Variants in AHCTF1 observed in about 807,000 individuals in gnomAD.
The protein encoded by AHCTF1 is AT-hook containing transcription factor 1.
In AHCTF1, 24 loss-of-function variants were observed where a neutral mutation model predicts 248.4. The observed-to-expected ratio is 0.10, with a 90% confidence interval of 0.07 to 0.14. The LOEUF (loss-of-function observed/expected upper bound fraction) is 0.14. Among genes scored for constraint, AHCTF1 ranks in the 10% least tolerant of loss-of-function variants. AHCTF1 has a pLI of 1.00. For synonymous variants in AHCTF1, 786 were observed against 929.8 expected (o/e 0.85, Z 2.81); for missense variants, 2,206 against 2,636.2 (o/e 0.84, Z 3.57).
In AHCTF1 at chr1:246,850,656, C is replaced by T; in HGVS notation, c.5350G>A (p.Glu1784Lys). The part of the protein sequence containing the change: ...KKTRKAKEIS[E>K]ASENIYSDVR... ...TCAGAATAGATGTTTTCAGAAGCTTCAGAAATTTCTTTTGCCTTCCTAGTT... is the reference window on the plus strand; with the variant it reads ...TCAGAATAGATGTTTTCAGAAGCTTTAGAAATTTCTTTTGCCTTCCTAGTT... Residue 1784 changes from glutamate to lysine, a missense_variant, in exon 33 of 36, where the codon GAA (glutamate) becomes AAA (lysine). Glu to Lys is a moderately conservative substitution (Grantham distance 56). Coordinates refer to ENST00000648844, the MANE Select transcript of AHCTF1 (RefSeq NM_001323342.2). The T allele has an allele frequency of 1.2e-6, 2 of 1,613,916 alleles. No individual in the cohort carries two copies. Among genetic ancestry groups the T allele is most frequent in the Non-Finnish European group, 1.7e-6 (2 of 1,179,854 alleles).
At chr1:246,928,592 TAAAC>T (rs1264732823) in intron 1 of AHCTF1, among the ~76,000 whole-genome samples, 5 of 152,174 alleles carry the variant, frequency 3.3e-5, no homozygotes, top group Non-Finnish European at 7.3e-5. Context: ...GGTTCAGTAT[TAAAC>T]AAAACAAAAT....
rs201962947 is a variant in AHCTF1 at position 246,922,779 on chromosome 1, G to A, written c.-7-4402C>T. Among the ~76,000 whole-genome samples, 97 of 150,766 alleles carry A rather than the reference G, an allele frequency of 6.4e-4. No individual in the cohort carries two copies. In the East Asian group the frequency reaches 0.011, roughly 17 times the overall value. The stretch of plus-strand genomic sequence containing the variant: ...GGGCGGATCACGAGGTCAGGAGATC[G>A]AGACCATCCTGGATAACACGGTGAA... On this transcript the variant is annotated intron_variant, in intron 1 of 35. Coordinates refer to ENST00000648844, the MANE Select transcript of AHCTF1 (RefSeq NM_001323342.2).
At chr1:246,845,625 C>T (rs1660203176) in intron 33 of AHCTF1, among the ~76,000 whole-genome samples, 1 of 152,170 alleles carries the variant, frequency 6.6e-6, no homozygotes, top group Non-Finnish European at 1.5e-5. Flanking sequence ...TAAGGAAATA[C>T]AAAAATATAC....
intron 31 of AHCTF1, among the ~76,000 whole-genome samples, chr1:246,855,068 T>G (rs575786129): frequency 6.6e-6 from 1 of 152,356 alleles, no homozygotes; most frequent in African/African-American, 2.4e-5. Flanking sequence ...CCATTCATAA[T>G]GTACCAGGAA....
At chr1:246,892,301 CTTTTTTTTTTTTTTTTTTT>C (rs74163502) in intron 14 of AHCTF1, among the ~76,000 whole-genome samples, 2 of 64,974 alleles carry the variant, frequency 3.1e-5, no homozygotes, top group African/African-American at 6.3e-5. Context: ...ATTTGTTTTA[CTTTTTTTTTTTTTTTTTTT>C]TTTTTTTTTT....
rs797009254 is a variant in AHCTF1, at chr1:246,903,659, C to G, written c.966+290G>C. Among the ~76,000 whole-genome samples the G allele has an allele frequency of 2.9e-4, 34 of 116,680 alleles. 1 individual carries two copies. Among genetic ancestry groups the G allele is most frequent in the South Asian group, 2.7e-4 (1 of 3,762 alleles). 76.5% of individuals were successfully genotyped at this position (116,680 alleles called of 152,430 possible). A position where few individuals can be genotyped will look rare whatever the true frequency, so the allele number is the denominator to read the frequency against. On this transcript the variant is annotated intron_variant, in intron 7 of 35. Coordinates refer to ENST00000648844, the MANE Select transcript of AHCTF1 (RefSeq NM_001323342.2). Reference sequence around the variant, plus strand: ...CCTGGCCAAGATGGTGAGACCCCCCCCCCTCCGTCTCTGCTAAATATACAA... The same window carrying G: ...CCTGGCCAAGATGGTGAGACCCCCCGCCCTCCGTCTCTGCTAAATATACAA...
intron 33 of AHCTF1, among the ~76,000 whole-genome samples, chr1:246,844,533 C>G (rs996570925): frequency 6.6e-6 from 1 of 152,078 alleles, no homozygotes; most frequent in Non-Finnish European, 1.5e-5. Flanking sequence ...CTAGCCTGAT[C>G]AACAAAGTGA....
Position 246,868,807 on chromosome 1 carries a change from C to T in AHCTF1, c.3089-996G>A, listed in dbSNP as rs532932126. ...GTGATGAATGAGTACAGGTCTACCT[C>T]ATTTTATTGTGCTTTGCTTCATTGT... On this transcript the variant is annotated intron_variant, in intron 24 of 35. Transcript: ENST00000648844. Among the ~76,000 whole-genome samples, 5 of 150,760 alleles carry T rather than the reference C, an allele frequency of 3.3e-5. No homozygotes were observed. The South Asian group carries it at 1.0e-3, about 32-fold the overall frequency.
At chr1:246,894,354 C>T (rs1223134614) in intron 14 of AHCTF1, among the ~76,000 whole-genome samples, 1 of 152,116 alleles carries the variant, frequency 6.6e-6, no homozygotes, top group Admixed American at 6.5e-5. Flanking sequence ...GGGCGGATCA[C>T]AACGTCAGGA....
At chr1:246,868,947 C>CCATTCTCCTGCCTCAGCCTG (rs1662284673) in intron 24 of AHCTF1, among the ~76,000 whole-genome samples, 1 of 150,532 alleles carries the variant, frequency 6.6e-6, no homozygotes, top group Non-Finnish European at 1.5e-5. Context: ...CGGGTTCACG[C>CCATTCTCCTGCCTCAGCCTG]CATTCTCCTG....
rs762938117 is a variant in AHCTF1 at position 246,900,147 on chromosome 1, T to C, written c.1350A>G (p.Val450=). ...TSPHGILDIL[V]HERSLNRGVP... ...CTCCTCTATTTAAACTTCTCTCATG[T>C]ACTAATATATCCAAGATGCCATGTG... The change falls in exon 10 of 36, where the codon GTA becomes GTG. Residue 450 remains valine, a synonymous_variant. Transcript: ENST00000648844. 19 of 1,610,292 alleles carry C rather than the reference T, an allele frequency of 1.2e-5. No homozygotes were observed. Among genetic ancestry groups the C allele is most frequent in the African/African-American group, 2.7e-5 (2 of 74,726 alleles).
At chr1:246,887,093 C>T (rs1572417234) in intron 20 of AHCTF1, 118 bp downstream of exon 20, 2 of 1,160,216 alleles carry the variant, frequency 1.7e-6, no homozygotes, top group East Asian at 2.5e-5. Flanking sequence ...AAACTGGGTC[C>T]TTCCTCAACT....
chr1:246,916,978 G>T (rs959272945), intron 2 of AHCTF1, among the ~76,000 whole-genome samples: 1 of 152,202 alleles, frequency 6.6e-6, no homozygotes, highest in Non-Finnish European at 1.5e-5. Context: ...ATGATAGGAA[G>T]TCTCAGAACC....
intron 24 of AHCTF1, among the ~76,000 whole-genome samples, chr1:246,872,072 A>C (rs868859906): frequency 7.5e-5 from 11 of 147,180 alleles, no homozygotes; most frequent in African/African-American, 2.5e-4. Context: ...AAAAAAAAAG[A>C]ACCTAGATTC....
chr1:246,872,880 T>C (rs953160043), intron 24 of AHCTF1, among the ~76,000 whole-genome samples: 1 of 152,182 alleles, frequency 6.6e-6, no homozygotes, highest in Non-Finnish European at 1.5e-5. Context: ...AAACTTCTAG[T>C]TCCCACTGAG....
intron 24 of AHCTF1, among the ~76,000 whole-genome samples, chr1:246,869,921 T>G (rs569346868): frequency 6.6e-6 from 1 of 152,342 alleles, no homozygotes; most frequent in Non-Finnish European, 1.5e-5. Context: ...AGATAGTGAT[T>G]CCTCTGAGAG....
intron 29 of AHCTF1, among the ~76,000 whole-genome samples, chr1:246,860,445 C>T (rs1404313041): frequency 6.6e-6 from 1 of 152,170 alleles, no homozygotes; most frequent in Non-Finnish European, 1.5e-5. Context: ...CCTCTGAAAT[C>T]TCGTACCTAC....
chr1:246,907,498 C>T, intron 5 of AHCTF1, 53 bp downstream of exon 5: 3 of 1,494,010 alleles, frequency 2.0e-6, no homozygotes, highest in South Asian at 1.2e-5. Flanking sequence ...TGAGTACAAG[C>T]TATATGCAAA....
chr1:246,891,875 T>A lies in AHCTF1; in HGVS notation c.1849A>T (p.Thr617Ser), dbSNP rs1664230660. 1 of 1,597,064 alleles carries A rather than the reference T, an allele frequency of 6.3e-7. No homozygotes were observed. Among genetic ancestry groups the A allele is most frequent in the African/African-American group, 1.4e-5 (1 of 73,604 alleles). ...DGSCHFMDPQ[T>S]IQSIQQCYLL... The stretch of plus-strand genomic sequence containing the variant: ...TAGCATTGCTGGATAGACTGTATAG[T>A]TTGTGGATCCATGAAATGACACGAA... Residue 617 changes from threonine to serine, a missense_variant, in exon 15 of 36, where the codon ACT becomes TCT. Coordinates refer to ENST00000648844, the MANE Select transcript of AHCTF1 (RefSeq NM_001323342.2).
Sources: allele counts gnomAD v4.1 joint callset (sites outside exome capture counted in the v4.1 genomes callset), GRCh38; gene constraint gnomAD v4.1.1; transcripts MANE v1.5; gene names NCBI Gene and HGNC (gene_info 2026-07-23, HGNC 2026-07-21).